The following ANKRD24 variants were observed in gnomAD, a reference collection of about 807,000 sequenced individuals.
ANKRD24 encodes ankyrin repeat domain 24, also known as ankyrin repeat domain-containing protein 24.
A neutral mutation model predicts 127.8 loss-of-function variants in ANKRD24; 109 were observed. That is an observed-to-expected ratio of 0.85 (90% CI 0.73 to 1.00). The LOEUF (loss-of-function observed/expected upper bound fraction) is 1.00, where lower values mean the gene tolerates loss of function less well. Among genes scored for constraint, ANKRD24 ranks in the 50% least tolerant of loss-of-function variants. ANKRD24 has a pLI of 0.00. For missense variants in ANKRD24, 1,648 were observed against 1,570.2 expected, an observed-to-expected ratio of 1.05 and a Z score of -0.84; for synonymous variants, 743 against 671.1, an observed-to-expected ratio of 1.11 and a Z score of -1.66.
intron 8 of ANKRD24, 36 bp downstream of exon 8, chr19:4,207,348 GC>G (rs751997699): frequency 2.6e-5 from 42 of 1,606,766 alleles, no homozygotes; most frequent in Admixed American, 3.3e-5. Flanking sequence ...AAGATGTTAT[GC>G]TTGAGGTATG....
In ANKRD24 at chr19:4,207,855, C is replaced by A; in HGVS notation, c.719C>A (p.Pro240Gln). The change falls in exon 10 of 22, where the codon CCG becomes CAG. Residue 240 changes from proline to glutamine, a missense_variant. Physicochemically the swap from Pro to Gln is moderately conservative, Grantham distance 76 (BLOSUM62 -1). Transcript: ENST00000318934. ...VEVLLQGGAQPGITDALGQDA... is the reference protein window; with the variant it reads ...VEVLLQGGAQQGITDALGQDA... ...GTCCTGCTGCAGGGCGGAGCCCAGC[C>A]GGGCATCACCGATGCGCTGGGGCAG... 2 of 1,562,364 alleles carry A rather than the reference C, an allele frequency of 1.3e-6. No homozygotes were observed. The highest frequency in any genetic ancestry group is 1.7e-6 in the Non-Finnish European group (2 of 1,155,942).
At chr19:4,210,163 G>C in intron 12 of ANKRD24, 25 bp downstream of exon 12, 1 of 1,585,316 alleles carries the variant, frequency 6.3e-7, no homozygotes, top group Non-Finnish European at 8.6e-7. Context: ...GGGCACGGGA[G>C]GAGGCATGGG....
At position 4,195,619 on chromosome 19, in the gene ANKRD24, C is replaced by T. The variant is rs772490337; in HGVS notation, c.37-4064C>T. On this transcript the variant is annotated intron_variant, in intron 2 of 21. Coordinates refer to ENST00000318934, the MANE Select transcript of ANKRD24 (RefSeq NM_001393985.1). This position sits in a 1 kb window ranked among gnomAD's most constrained non-coding sequence, Gnocchi z 4.2. ...CTTGTCCAAACATGTCTAAGAGGGC[C>T]GGGCGCAGTGGCTCACGCCTGTAAT... Among the ~76,000 whole-genome samples the T allele has an allele frequency of 2.0e-5, 3 of 152,196 alleles. No individual in the cohort carries two copies. Among genetic ancestry groups the T allele is most frequent in the African/African-American group, 4.8e-5 (2 of 41,520 alleles).
chr19:4,206,619 C>T (rs1008701499), intron 7 of ANKRD24, among the ~76,000 whole-genome samples: 2 of 152,182 alleles, frequency 1.3e-5, no homozygotes, highest in Admixed American at 1.3e-4. Flanking sequence ...CACAGCGAGA[C>T]CCCGTCTCTA....
Position 4,198,015 on chromosome 19 carries a change from G to A in ANKRD24, c.37-1668G>A. On this transcript the variant is annotated intron_variant, in intron 2 of 21. Transcript: ENST00000318934. This position sits in a 1 kb window ranked among gnomAD's most constrained non-coding sequence, Gnocchi z 6.1. Reference sequence around the variant, plus strand: ...TGAATGAGTGAATGAATGAAAGTGTGAGTGGCGAGAGCCCTGCCGGCCGCG... The same window carrying A: ...TGAATGAGTGAATGAATGAAAGTGTAAGTGGCGAGAGCCCTGCCGGCCGCG... 2.5e-6 allele frequency: 1 copy of A among 407,512 alleles called. No individual in the cohort carries two copies. Among genetic ancestry groups the A allele is most frequent in the East Asian group, 3.6e-5 (1 of 27,990 alleles). 25.2% of individuals were successfully genotyped at this position (407,512 alleles called of 1,614,324 possible). A position where few individuals can be genotyped will look rare whatever the true frequency, so the allele number is the denominator to read the frequency against.
At chr19:4,209,427 TTTG>T (rs1555716311) in intron 11 of ANKRD24, among the ~76,000 whole-genome samples, 7 of 150,010 alleles carry the variant, frequency 4.7e-5, no homozygotes, top group East Asian at 2.0e-4. Context: ...GTTTTTTTTT[TTTG>T]TTGTTGTTGT....
chr19:4,212,844 C>T, intron 15 of ANKRD24, 146 bp downstream of exon 15: 1 of 793,926 alleles, frequency 1.3e-6, no homozygotes, highest in Non-Finnish European at 2.0e-6. Flanking sequence ...CACAAACCCA[C>T]AGTCTTGGCT....
intron 7 of ANKRD24, among the ~76,000 whole-genome samples, chr19:4,206,168 TAAATAAATA>T (rs1568327832): frequency 9.4e-5 from 14 of 148,306 alleles, no homozygotes; most frequent in African/African-American, 3.5e-4. Flanking sequence ...AATAAATAAA[TAAATAAATA>T]AATAAAATTA....
intron 15 of ANKRD24, 129 bp downstream of exon 15, chr19:4,212,827 A>C: frequency 2.4e-6 from 2 of 839,926 alleles, no homozygotes; most frequent in Admixed American, 2.7e-5. Context: ...CACCAGACAC[A>C]TGCACCCACA....
intron 18 of ANKRD24, 68 bp from the exon 19 acceptor site, chr19:4,219,523 T>C (rs937857061): frequency 2.0e-6 from 3 of 1,502,164 alleles, no homozygotes; most frequent in African/African-American, 1.4e-5. Context: ...AAGGATCATA[T>C]GAATTCTGGG....
Position 4,217,920 on chromosome 19 carries a change from C to G in ANKRD24, c.2760C>G (p.Arg920=), listed in dbSNP as rs1220635960. The G allele has an allele frequency of 6.0e-6, 9 of 1,493,074 alleles. No individual in the cohort carries two copies. Among genetic ancestry groups the G allele is most frequent in the Non-Finnish European group, 8.0e-6 (9 of 1,128,864 alleles). The allele number at this position is 1,493,074 out of a possible 1,614,324, so 92.5% of individuals were successfully genotyped here. ...RQSVVPASEH[R]RLQEEALELR... ...CCGTGGTGCCGGCCTCTGAGCACCG[C>G]CGGCTGCAGGAGGAGGCCCTGGAGC... The change falls in exon 18 of 22, where the codon CGC becomes CGG. Residue 920 remains arginine (R), a synonymous_variant. Transcript: ENST00000318934.
At chr19:4,192,133 C>G (rs1370885171) in intron 2 of ANKRD24, among the ~76,000 whole-genome samples, 5 of 151,578 alleles carry the variant, frequency 3.3e-5, no homozygotes, top group Admixed American at 3.3e-4. Context: ...GCATTGCTTA[C>G]TCTGATCCCC....
chr19:4,212,830 C>G, intron 15 of ANKRD24, 132 bp downstream of exon 15: 1 of 830,310 alleles, frequency 1.2e-6, no homozygotes, highest in Non-Finnish European at 1.9e-6. Context: ...CAGACACATG[C>G]ACCCACAAAC....
chr19:4,182,739 A>G lies in ANKRD24; in HGVS notation c.-38A>G. On this transcript the variant is annotated splice_region_variant and 5_prime_UTR_variant, in exon 1 of 22. Transcript: ENST00000318934. ...GAAGGAAGCCTGCCTCTTTGCATGCAGGTGTTTGCGGGGCTTGGGAAGGGG... is the reference window on the plus strand; with the variant it reads ...GAAGGAAGCCTGCCTCTTTGCATGCGGGTGTTTGCGGGGCTTGGGAAGGGG... 1 of 1,397,244 alleles carries G rather than the reference A, an allele frequency of 7.2e-7. No individual in the cohort carries two copies. Among genetic ancestry groups the G allele is most frequent in the South Asian group, 1.6e-5 (1 of 62,342 alleles). 86.6% of individuals were successfully genotyped at this position (1,397,244 alleles called of 1,614,324 possible). A position where few individuals can be genotyped will look rare whatever the true frequency, so the allele number is the denominator to read the frequency against.
At chr19:4,191,995 G>A (rs1382051085) in intron 2 of ANKRD24, among the ~76,000 whole-genome samples, 2 of 150,990 alleles carry the variant, frequency 1.3e-5, no homozygotes, top group Non-Finnish European at 2.9e-5. Flanking sequence ...TGCCATGTTG[G>A]CCAGGCTGGT....
rs1968660062 is a variant in ANKRD24 at position 4,195,325 on chromosome 19, C to T, written c.37-4358C>T. On this transcript the variant is annotated intron_variant, in intron 2 of 21. Transcript: ENST00000318934. This position sits in a 1 kb window ranked among gnomAD's most constrained non-coding sequence, Gnocchi z 4.2. ...CCCATCTCAGGTGATCTGCCTGCCT[C>T]AGCCTCCCAAAGTGCTGGGATGACA... 4.0e-5 allele frequency among the ~76,000 whole-genome samples: 6 copies of T among 151,830 alleles called. No homozygotes were observed. The South Asian group carries it at 1.3e-3, about 32-fold the overall frequency.
intron 7 of ANKRD24, among the ~76,000 whole-genome samples, chr19:4,204,024 C>T (rs59108960): frequency 0.046 from 5,988 of 129,476 alleles, 333 homozygotes; most frequent in African/African-American, 0.14. Context: ...AGTGCAGTGG[C>T]GTGATCTCGG....
At chr19:4,221,550 C>A (rs1970444052) in intron 19 of ANKRD24, among the ~76,000 whole-genome samples, 1 of 152,114 alleles carries the variant, frequency 6.6e-6, no homozygotes, top group African/African-American at 2.4e-5. Flanking sequence ...TTTTTGTCCC[C>A]ATTTTCCAGA....
chr19:4,224,357 G>A, intron 21 of ANKRD24, 71 bp from the exon 22 acceptor site: 1 of 1,539,044 alleles, frequency 6.5e-7, no homozygotes, highest in Non-Finnish European at 8.9e-7. Context: ...TTGGTCTATG[G>A]GAGTGGTGGA....
Sources: gnomAD v4.1 joint callset for allele counts (sites outside exome capture counted in the v4.1 genomes callset) on GRCh38, gnomAD v4.1.1 for gene constraint, Gnocchi (gnomAD v3.1) non-coding constraint, MANE v1.5 for transcripts, NCBI Gene and HGNC (gene_info 2026-07-23, HGNC 2026-07-21) for gene names.